Variants in BTRC observed in about 807,000 individuals in gnomAD.
BTRC encodes the protein F-box/WD repeat-containing protein 1A.
BTRC carries 42 observed loss-of-function variants against 85.5 expected under a neutral mutation model. That is an observed-to-expected ratio of 0.49 (90% CI 0.38 to 0.64). BTRC has a LOEUF of 0.64. Among genes scored for constraint, BTRC ranks in the 30% least tolerant of loss-of-function variants. The pLI is 0.00. For missense variants in BTRC, 594 were observed against 743.5 expected, an observed-to-expected ratio of 0.80 and a Z score of 2.34; for synonymous variants, 255 against 263.3, an observed-to-expected ratio of 0.97 and a Z score of 0.30.
intron 1 of BTRC, 94 bp downstream of exon 1, chr10:101,354,322 G>T: frequency 1.4e-6 from 2 of 1,400,214 alleles, no homozygotes; most frequent in Non-Finnish European, 1.9e-6. Flanking sequence ...ACCGGGCAGC[G>T]GGACCCTGGG....
At chr10:101,405,163 G>A (rs553693664) in intron 1 of BTRC, among the ~76,000 whole-genome samples, 3 of 151,700 alleles carry the variant, frequency 2.0e-5, no homozygotes, top group Non-Finnish European at 2.9e-5. Flanking sequence ...CCCTGGGGCC[G>A]CCTTTTTCAG....
intron 1 of BTRC, among the ~76,000 whole-genome samples, chr10:101,428,975 A>G (rs961965685): frequency 2.6e-5 from 4 of 152,096 alleles, no homozygotes; most frequent in Non-Finnish European, 5.9e-5. Flanking sequence ...CTCATTGTCC[A>G]TTTATCAATT....
chr10:101,470,947 T>G (rs1564792355), intron 3 of BTRC, among the ~76,000 whole-genome samples: 1 of 152,166 alleles, frequency 6.6e-6, no homozygotes, highest in Non-Finnish European at 1.5e-5. Flanking sequence ...TCAAACCTCC[T>G]GAAGAAAACG....
rs1254669922 is a variant in BTRC, at chr10:101,556,836, C to T, written c.*3713C>T. On this transcript the variant is annotated 3_prime_UTR_variant, in exon 15 of 15. Coordinates refer to ENST00000370187, the MANE Select transcript of BTRC (RefSeq NM_033637.4). ...AGATGACATCTAAAATATGTGCTTT[C>T]CAACCAGCACAGCTGGCGCTCTTAG... The T allele has an allele frequency of 6.6e-6, 1 of 152,234 alleles. No individual in the cohort carries two copies. Among genetic ancestry groups the T allele is most frequent in the African/African-American group, 2.4e-5 (1 of 41,452 alleles). The allele number at this position is 152,234 out of a possible 1,614,324, so 9.4% of individuals were successfully genotyped here. A position where few individuals can be genotyped will look rare whatever the true frequency, so the allele number is the denominator to read the frequency against.
chr10:101,538,611 C>T (rs1398017006), intron 13 of BTRC, among the ~76,000 whole-genome samples: 1 of 152,162 alleles, frequency 6.6e-6, no homozygotes, highest in Non-Finnish European at 1.5e-5. Flanking sequence ...TGCACAGCAA[C>T]TCTACACAAC....
At chr10:101,383,051 C>G (rs1242167301) in intron 1 of BTRC, among the ~76,000 whole-genome samples, 2 of 130,612 alleles carry the variant, frequency 1.5e-5, no homozygotes, top group African/African-American at 5.5e-5. Flanking sequence ...TGGGCCTTCC[C>G]TGGAGATTTT....
intron 13 of BTRC, among the ~76,000 whole-genome samples, chr10:101,543,354 G>C (rs1165458348): frequency 2.0e-5 from 3 of 151,884 alleles, no homozygotes; most frequent in Admixed American, 6.6e-5. Context: ...TTTATGATTA[G>C]TGTCTGTGTG....
intron 13 of BTRC, among the ~76,000 whole-genome samples, chr10:101,547,293 C>T (rs1439446252): frequency 6.7e-6 from 1 of 149,918 alleles, no homozygotes; most frequent in Admixed American, 6.7e-5. Context: ...GAACGAAACT[C>T]CATCTCAAAA....
At chr10:101,364,297 A>G (rs1942300845) in intron 1 of BTRC, among the ~76,000 whole-genome samples, 1 of 152,166 alleles carries the variant, frequency 6.6e-6, no homozygotes, top group Non-Finnish European at 1.5e-5. Context: ...GTAGAAAAAA[A>G]GCATAAAGAA....
At chr10:101,466,723 A>G (rs1430268568) in intron 3 of BTRC, among the ~76,000 whole-genome samples, 1 of 152,210 alleles carries the variant, frequency 6.6e-6, no homozygotes, top group African/African-American at 2.4e-5. Context: ...GAAAAATGTC[A>G]CAATTGTCAG....
At chr10:101,485,486 T>TTCTGGATG (rs766393714) in intron 4 of BTRC, among the ~76,000 whole-genome samples, 11 of 152,238 alleles carry the variant, frequency 7.2e-5, no homozygotes, top group Non-Finnish European at 1.3e-4. Context: ...TTAGTGCTGA[T>TTCTGGATG]TCTGGATGGC....
intron 13 of BTRC, among the ~76,000 whole-genome samples, chr10:101,549,159 G>A (rs889305830): frequency 1.3e-5 from 2 of 151,314 alleles, no homozygotes; most frequent in Non-Finnish European, 2.9e-5. Context: ...ATTGGGCCAG[G>A]CACAGTGGCC....
intron 4 of BTRC, among the ~76,000 whole-genome samples, chr10:101,518,846 C>CACTTAG (rs112995510): frequency 0.37 from 56,169 of 151,924 alleles, 11,548 homozygotes; most frequent in Middle Eastern, 0.49. Flanking sequence ...GATCTCTAAC[C>CACTTAG]ACTTAAATAA....
chr10:101,379,618 G>C (rs1300714148), intron 1 of BTRC, among the ~76,000 whole-genome samples: 7 of 151,936 alleles, frequency 4.6e-5, no homozygotes, highest in Admixed American at 4.6e-4. Context: ...GTTAAGTGTA[G>C]GAATGTTCTG....
intron 1 of BTRC, among the ~76,000 whole-genome samples, chr10:101,387,745 G>A (rs924474580): frequency 1.1e-4 from 17 of 150,510 alleles, no homozygotes; most frequent in Middle Eastern, 3.4e-3. Flanking sequence ...GCTGAAGTGC[G>A]GTGGCGCGAT....
At chr10:101,541,485 C>T (rs1437675683) in intron 13 of BTRC, among the ~76,000 whole-genome samples, 1 of 152,130 alleles carries the variant, frequency 6.6e-6, no homozygotes. Flanking sequence ...TGGTCTCGAT[C>T]TCCTGACCTC....
chr10:101,369,618 G>A (rs923813701), intron 1 of BTRC, among the ~76,000 whole-genome samples: 1 of 152,142 alleles, frequency 6.6e-6, no homozygotes, highest in African/African-American at 2.4e-5. Context: ...CCAGATCTGG[G>A]TGTTAAGCGT....
rs1447610279 is a variant in BTRC, at chr10:101,521,827, T to C, written c.513T>C (p.Tyr171=). Residue 171 remains tyrosine, a synonymous_variant, in exon 5 of 15, where the codon TAT becomes TAC. Transcript: ENST00000370187. ...CHYQHGHINS[Y]LKPMLQRDFI... is the part of the protein sequence containing the mutation. ...ACCAACATGGGCACATAAACTCGTA[T>C]CTTAAACCTATGTTGCAGAGAGATT... 1 of 1,613,966 alleles carries C rather than the reference T, an allele frequency of 6.2e-7. No homozygotes were observed. The highest frequency in any genetic ancestry group is 1.7e-5 in the Admixed American group (1 of 60,008).
intron 2 of BTRC, 63 bp from the exon 3 acceptor site, chr10:101,461,918 T>G: frequency 8.3e-7 from 1 of 1,201,914 alleles, no homozygotes; most frequent in South Asian, 1.3e-5. Flanking sequence ...GTAATTCAGT[T>G]TACTCCCAAA....
Sources: allele counts gnomAD v4.1 joint callset (sites outside exome capture counted in the v4.1 genomes callset), GRCh38; gene constraint gnomAD v4.1.1; transcripts MANE v1.5; gene names NCBI Gene and HGNC (gene_info 2026-07-23, HGNC 2026-07-21).